The following IPMK variants were observed in gnomAD, a reference collection of about 807,000 sequenced individuals.
The protein encoded by IPMK is inositol polyphosphate multikinase.
In IPMK, 17 loss-of-function variants were observed where a neutral mutation model predicts 45.8. The observed-to-expected ratio is 0.37, with a 90% CI of 0.25 to 0.56. The LOEUF (loss-of-function observed/expected upper bound fraction) is 0.56. IPMK is among the 20% of genes least tolerant of loss of function. The pLI, the probability that IPMK is intolerant of heterozygous loss-of-function variation, is 0.79. For missense variants in IPMK, 399 were observed against 498.0 expected (o/e 0.80, Z 1.89); for synonymous variants, 180 against 184.3 (o/e 0.98, Z 0.19).
intron 1 of IPMK, among the ~76,000 whole-genome samples, chr10:58,244,248 G>C (rs7911485): frequency 3.0e-5 from 4 of 131,546 alleles, no homozygotes; most frequent in Non-Finnish European, 4.8e-5. Context: ...GGCTGCCCTT[G>C]GTCTGGGAGG....
chr10:58,262,550 C>A (rs1254674883), intron 1 of IPMK, among the ~76,000 whole-genome samples: 2 of 152,096 alleles, frequency 1.3e-5, no homozygotes, highest in African/African-American at 4.8e-5. Flanking sequence ...TATGACAATA[C>A]CTAGTAACAC....
chr10:58,246,110 C>T (rs542638156), intron 1 of IPMK, among the ~76,000 whole-genome samples: 18 of 130,694 alleles, frequency 1.4e-4, no homozygotes, highest in Admixed American at 1.2e-3. Flanking sequence ...TGTGAAGGAC[C>T]TCTTCAAGGA....
chr10:58,237,622 C>T (rs1216250315), intron 2 of IPMK, 107 bp downstream of exon 2: 6 of 803,128 alleles, frequency 7.5e-6, no homozygotes, highest in Non-Finnish European at 1.3e-5. Flanking sequence ...GTTTCCGTTA[C>T]ATACACACAG....
chr10:58,262,360 T>C (rs762361982), intron 1 of IPMK, among the ~76,000 whole-genome samples: 9 of 152,148 alleles, frequency 5.9e-5, no homozygotes, highest in Non-Finnish European at 1.2e-4. Flanking sequence ...CATATTAATA[T>C]CACTGGGAGC....
intron 3 of IPMK, among the ~76,000 whole-genome samples, chr10:58,218,868 A>G (rs1338194043): frequency 6.6e-6 from 1 of 152,204 alleles, no homozygotes; most frequent in African/African-American, 2.4e-5. Flanking sequence ...AACTCTATAT[A>G]TAGTGGAAAT....
chr10:58,267,013 C>T (rs1839157219), intron 1 of IPMK, among the ~76,000 whole-genome samples: 2 of 152,236 alleles, frequency 1.3e-5, no homozygotes, highest in African/African-American at 4.8e-5. Flanking sequence ...TTAGCATCAT[C>T]TGCATTTCAT....
rs920277841 is a variant in IPMK, at chr10:58,218,213, CCAGA to C, written c.374-1900_374-1897del. The stretch of plus-strand genomic sequence containing the variant: ...TTCCACACTTGAAAGAAGGGTTTTC[CCAGA>C]CAGACAATTTCAGGATAAGAGAAAA... On this transcript the variant is annotated intron_variant, in intron 3 of 5. Transcript: ENST00000373935. Among the ~76,000 whole-genome samples, 25 of 152,088 alleles carry C rather than the reference CCAGA, an allele frequency of 1.6e-4. 1 individual carries two copies. Among genetic ancestry groups the C allele is most frequent in the Non-Finnish European group, 1.5e-5 (1 of 68,032 alleles).
At chr10:58,226,054 CT>C (rs1280047591) in intron 3 of IPMK, among the ~76,000 whole-genome samples, 5 of 152,084 alleles carry the variant, frequency 3.3e-5, no homozygotes, top group Admixed American at 2.6e-4. Flanking sequence ...CTTTGGCTCA[CT>C]TTCTTTTTTT....
At chr10:58,207,865 T>C (rs1023179978) in intron 4 of IPMK, among the ~76,000 whole-genome samples, 1 of 152,166 alleles carries the variant, frequency 6.6e-6, no homozygotes, top group Non-Finnish European at 1.5e-5. Flanking sequence ...TTTCCAAACT[T>C]TTAGATTTCT....
At chr10:58,239,849 G>A (rs1369458504) in intron 1 of IPMK, among the ~76,000 whole-genome samples, 1 of 152,152 alleles carries the variant, frequency 6.6e-6, no homozygotes, top group Non-Finnish European at 1.5e-5. Context: ...CAGATACACT[G>A]AAACTGAGAC....
intron 4 of IPMK, among the ~76,000 whole-genome samples, chr10:58,213,626 G>A (rs1470609537): frequency 6.6e-6 from 1 of 151,960 alleles, no homozygotes; most frequent in African/African-American, 2.4e-5. Flanking sequence ...GGCGGAGCTT[G>A]CAGTGAGCAG....
chr10:58,202,067 C>T (rs956477245), intron 4 of IPMK, among the ~76,000 whole-genome samples: 3 of 152,176 alleles, frequency 2.0e-5, no homozygotes, highest in Admixed American at 6.5e-5. Flanking sequence ...TATGGAAAGA[C>T]GTTGTTTTTA....
At position 58,196,349 on chromosome 10, in the gene IPMK, T is replaced by C; in HGVS notation, c.978A>G (p.Thr326=). 1 of 1,614,196 alleles carries C rather than the reference T, an allele frequency of 6.2e-7. No homozygotes were observed. Among genetic ancestry groups the C allele is most frequent in the Non-Finnish European group, 8.5e-7 (1 of 1,180,032 alleles). The change falls in exon 6 of 6, where the codon ACA becomes ACG. Residue 326 remains threonine (T), a synonymous_variant. Coordinates refer to ENST00000373935, the MANE Select transcript of IPMK (RefSeq NM_152230.5). ...KMYARHRKIY[T]KKHHSQTSLK... ...ATGAAGTCTGACTGTGATGCTTTTT[T>C]GTATATATTTTCCTGTGACGCGCAT... is the stretch of plus-strand genomic sequence containing the variant.
chr10:58,221,363 ATT>A (rs60186414), intron 3 of IPMK, among the ~76,000 whole-genome samples: 43,215 of 146,564 alleles, frequency 0.29, 8,321 homozygotes, highest in African/African-American at 0.56. Context: ...CAGCTTGCCT[ATT>A]TTTTTTTTTT....
chr10:58,221,077 C>T (rs1838325734), intron 3 of IPMK, among the ~76,000 whole-genome samples: 1 of 152,136 alleles, frequency 6.6e-6, no homozygotes, highest in Non-Finnish European at 1.5e-5. Context: ...AATGGATATT[C>T]TCCAACCCTC....
chr10:58,226,033 A>T (rs1838410141), intron 3 of IPMK, among the ~76,000 whole-genome samples: 1 of 152,222 alleles, frequency 6.6e-6, no homozygotes, highest in Non-Finnish European at 1.5e-5. Context: ...GAAAAAAGAC[A>T]GTTAATAGAG....
At chr10:58,223,850 C>CT (rs1004258312) in intron 3 of IPMK, among the ~76,000 whole-genome samples, 3 of 152,158 alleles carry the variant, frequency 2.0e-5, no homozygotes, top group African/African-American at 7.2e-5. Flanking sequence ...TTCCCCTGCA[C>CT]TTTCTCTCTC....
intron 1 of IPMK, among the ~76,000 whole-genome samples, chr10:58,249,488 C>T (rs1036564609): frequency 5.3e-5 from 8 of 150,418 alleles, no homozygotes; most frequent in Admixed American, 2.0e-4. Flanking sequence ...TTTTTCATAC[C>T]CCAACTGGTC....
chr10:58,198,573 A>G (rs1837943158), intron 5 of IPMK, among the ~76,000 whole-genome samples: 1 of 152,192 alleles, frequency 6.6e-6, no homozygotes, highest in African/African-American at 2.4e-5. Context: ...TTCTATATAT[A>G]AAATAAGAAT....
Sources: allele counts gnomAD v4.1 joint callset (sites outside exome capture counted in the v4.1 genomes callset), GRCh38; gene constraint gnomAD v4.1.1; transcripts MANE v1.5; gene names NCBI Gene and HGNC (gene_info 2026-07-23, HGNC 2026-07-21).